PIAS2: variants seen among roughly 807,000 people sequenced by gnomAD.
The protein encoded by PIAS2 is E3 SUMO-protein ligase PIAS2.
A neutral mutation model predicts 69.7 loss-of-function variants in PIAS2; 19 were observed. The observed-to-expected ratio is 0.27, with a 90% CI of 0.19 to 0.40. PIAS2 has a LOEUF of 0.40. Ranked by LOEUF, PIAS2 falls within the 10% of genes least tolerant of loss-of-function variation. PIAS2 has a pLI of 1.00. For synonymous variants in PIAS2, 261 were observed against 263.2 expected, an observed-to-expected ratio of 0.99 and a Z score of 0.08; for missense variants, 624 against 757.0, an observed-to-expected ratio of 0.82 and a Z score of 2.06.
intron 2 of PIAS2, 21 bp from the exon 3 acceptor site, chr18:46,864,269 A>G: frequency 1.4e-6 from 2 of 1,475,772 alleles, no homozygotes; most frequent in Non-Finnish European, 9.2e-7. Context: ...AAAAAAAAAG[A>G]AAGATAATAT....
chr18:46,817,220 T>C lies in PIAS2; in HGVS notation c.1649-1871A>G. 3 of 969,554 alleles carry C rather than the reference T, an allele frequency of 3.1e-6. No homozygotes were observed. The South Asian group carries it at 1.4e-4, about 46-fold the overall frequency. The allele number at this position is 969,554 out of a possible 1,614,324, so 60.1% of individuals were successfully genotyped here. A position where few individuals can be genotyped will look rare whatever the true frequency, so the allele number is the denominator to read the frequency against. On this transcript the variant is annotated intron_variant, in intron 12 of 13. Transcript: ENST00000585916. ...TATTTGCTGTATCTCTCAGTTCATG[T>C]TAGTAACTGAAACCTTTTTATAACG...
rs1599190688 is a variant in PIAS2, at chr18:46,803,869, T to A, written c.*8564A>T. ...GTTTAATACACCTACTCCCATATTA[T>A]CCCCACTGTGCACTGCTCTACCCAC... On this transcript the variant is annotated 3_prime_UTR_variant, in exon 14 of 14. Coordinates refer to ENST00000585916, the MANE Select transcript of PIAS2 (RefSeq NM_004671.5). 1 of 152,110 alleles carries A rather than the reference T, an allele frequency of 6.6e-6. No individual in the cohort carries two copies. The highest frequency in any genetic ancestry group is 1.9e-4 in the East Asian group (1 of 5,194). 9.4% of individuals were successfully genotyped at this position (152,110 alleles called of 1,614,324 possible).
Position 46,917,366 on chromosome 18 carries a change from C to T in PIAS2, c.-21G>A. On this transcript the variant is annotated 5_prime_UTR_variant, in exon 1 of 14. Coordinates refer to ENST00000585916, the MANE Select transcript of PIAS2 (RefSeq NM_004671.5). Reference sequence around the variant, plus strand: ...GCCATTTTATACCACCCGCGGGCGCCGCCGCCGCTGCCGCCGCACCCACTC... The same window carrying T: ...GCCATTTTATACCACCCGCGGGCGCTGCCGCCGCTGCCGCCGCACCCACTC... The T allele has an allele frequency of 2.7e-6, 4 of 1,458,048 alleles. No individual in the cohort carries two copies. Among genetic ancestry groups the T allele is most frequent in the Non-Finnish European group, 1.8e-6 (2 of 1,099,412 alleles). 90.3% of individuals were successfully genotyped at this position (1,458,048 alleles called of 1,614,324 possible). A position where few individuals can be genotyped will look rare whatever the true frequency, so the allele number is the denominator to read the frequency against.
At chr18:46,830,180 C>A (rs1382275127) in intron 9 of PIAS2, among the ~76,000 whole-genome samples, 9 of 151,864 alleles carry the variant, frequency 5.9e-5, no homozygotes, top group Admixed American at 5.9e-4. Context: ...CAACCTCTAA[C>A]ACAGCACAAA....
intron 3 of PIAS2, among the ~76,000 whole-genome samples, chr18:46,860,083 T>C (rs1176487994): frequency 1.3e-5 from 2 of 152,238 alleles, no homozygotes; most frequent in African/African-American, 4.8e-5. Context: ...GTCTAGATCT[T>C]ACTACCACTA....
intron 12 of PIAS2, 69 bp from the exon 13 acceptor site, chr18:46,815,418 T>A (rs1047008983): frequency 6.2e-7 from 1 of 1,604,930 alleles, no homozygotes; most frequent in Admixed American, 1.7e-5. Flanking sequence ...CCCTAAATCA[T>A]CTTTATCACA....
chr18:46,893,757 T>G (rs1682577969), intron 1 of PIAS2, among the ~76,000 whole-genome samples: 1 of 152,114 alleles, frequency 6.6e-6, no homozygotes, highest in African/African-American at 2.4e-5. Context: ...GCACCAAGAC[T>G]TTGGACCCTG....
chr18:46,877,507 G>A (rs72911125), intron 2 of PIAS2, among the ~76,000 whole-genome samples: 404 of 152,132 alleles, frequency 2.7e-3, no homozygotes, highest in Non-Finnish European at 3.0e-3. Context: ...TGCCCCTCCC[G>A]CCGAAACAGC....
At chr18:46,815,964 T>C in intron 12 of PIAS2, 1 of 985,334 alleles carries the variant, frequency 1.0e-6, no homozygotes, top group Non-Finnish European at 1.2e-6. Flanking sequence ...TCCAATTCGA[T>C]TTTAGAAAGA....
intron 2 of PIAS2, among the ~76,000 whole-genome samples, chr18:46,873,026 G>A (rs902582523): frequency 2.6e-5 from 4 of 152,194 alleles, no homozygotes; most frequent in Non-Finnish European, 5.9e-5. Flanking sequence ...CTGACAACCT[G>A]TGGCCTTTGT....
In PIAS2 at chr18:46,885,557, T is replaced by C. The variant is rs557071587; in HGVS notation, c.499+5023A>G. On this transcript the variant is annotated intron_variant, in intron 2 of 13. Coordinates refer to ENST00000585916, the MANE Select transcript of PIAS2 (RefSeq NM_004671.5). ...AAGAAAAAAAAGAGCATATACTCAT[T>C]ATGGTTTTTTGACATACAGCTACTG... Among the ~76,000 whole-genome samples the C allele has an allele frequency of 7.2e-5, 11 of 152,046 alleles. No homozygotes were observed. In the South Asian group the frequency reaches 2.3e-3, roughly 32 times the overall value.
At chr18:46,829,948 T>C in intron 9 of PIAS2, 81 bp from the exon 10 acceptor site, 1 of 1,254,850 alleles carries the variant, frequency 8.0e-7, no homozygotes, top group East Asian at 2.3e-5. Context: ...CACATTACCT[T>C]GAAAACATAA....
chr18:46,819,406 C>T (rs1050482040), intron 12 of PIAS2, among the ~76,000 whole-genome samples: 12 of 152,128 alleles, frequency 7.9e-5, no homozygotes, highest in African/African-American at 2.9e-4. Context: ...AAAATACCAA[C>T]TCCCAAATTA....
chr18:46,901,829 G>A (rs1349132675), intron 1 of PIAS2, among the ~76,000 whole-genome samples: 1 of 152,144 alleles, frequency 6.6e-6, no homozygotes, highest in Non-Finnish European at 1.5e-5. Context: ...ATTATACTCA[G>A]GGCGGAAAGA....
chr18:46,850,830 T>C (rs2046856979), intron 5 of PIAS2, among the ~76,000 whole-genome samples: 1 of 152,192 alleles, frequency 6.6e-6, no homozygotes, highest in African/African-American at 2.4e-5. Flanking sequence ...TTAGCCGAAA[T>C]GTTTCCATAA....
intron 1 of PIAS2, 199 bp downstream of exon 1, chr18:46,917,123 C>T (rs1351523842): frequency 4.0e-6 from 4 of 997,594 alleles, no homozygotes; most frequent in Non-Finnish European, 4.8e-6. Flanking sequence ...AGGCCCGCCG[C>T]CCCCGCGCCG....
intron 11 of PIAS2, among the ~76,000 whole-genome samples, chr18:46,826,395 G>A (rs1011895987): frequency 1.3e-5 from 2 of 152,250 alleles, no homozygotes; most frequent in Middle Eastern, 3.4e-3. Context: ...TGCCACCAGA[G>A]ACATGCTCCA....
chr18:46,803,309 T>C lies in PIAS2; in HGVS notation c.*9124A>G, dbSNP rs1269069944. 2 of 152,100 alleles carry C rather than the reference T, an allele frequency of 1.3e-5. No individual in the cohort carries two copies. Among genetic ancestry groups the C allele is most frequent in the Admixed American group, 1.3e-4 (2 of 15,268 alleles). 9.4% of individuals were successfully genotyped at this position (152,100 alleles called of 1,614,324 possible). A position where few individuals can be genotyped will look rare whatever the true frequency, so the allele number is the denominator to read the frequency against. On this transcript the variant is annotated 3_prime_UTR_variant, in exon 14 of 14. Transcript: ENST00000585916. Reference sequence around the variant, plus strand: ...AATATGGTGGTATTTTAAATGAAAGTTTTTTAAAAAATGGATACTTACTTT... The same window carrying C: ...AATATGGTGGTATTTTAAATGAAAGCTTTTTAAAAAATGGATACTTACTTT...
At position 46,878,542 on chromosome 18, in the gene PIAS2, C is replaced by T. The variant is rs559870154; in HGVS notation, c.499+12038G>A. Among the ~76,000 whole-genome samples, 69 of 152,264 alleles carry T rather than the reference C, an allele frequency of 4.5e-4. 2 individuals carry two copies. In the East Asian group the frequency reaches 0.013, roughly 29 times the overall value. ...TCACCCCCTGCAAGCACTATATTGA[C>T]ACCTTTTAATAAACTGGTTTATATT... On this transcript the variant is annotated intron_variant, in intron 2 of 13. Coordinates refer to ENST00000585916, the MANE Select transcript of PIAS2 (RefSeq NM_004671.5).
Sources: gnomAD v4.1 joint callset for allele counts (sites outside exome capture counted in the v4.1 genomes callset) on GRCh38, gnomAD v4.1.1 for gene constraint, MANE v1.5 for transcripts, NCBI Gene and HGNC (gene_info 2026-07-23, HGNC 2026-07-21) for gene names.